Variants in ADAMTSL1 observed in about 807,000 individuals in gnomAD.
ADAMTSL1 encodes the protein ADAMTS-like protein 1.
Under a neutral mutation model 201.8 loss-of-function variants are expected in ADAMTSL1, and 126 were observed. The ratio of observed to expected loss-of-function variants is 0.62; its 90% CI spans 0.54 to 0.72. ADAMTSL1 has a LOEUF of 0.72. ADAMTSL1 is among the 30% of genes least tolerant of loss of function. ADAMTSL1 has a pLI of 0.00. For synonymous variants in ADAMTSL1, 1,121 were observed against 903.4 expected (o/e 1.24, Z -4.32); for missense variants, 2,679 against 2,277.8 (o/e 1.18, Z -3.59).
At chr9:18,785,776 T>C (rs1449429686) in intron 19 of ADAMTSL1, among the ~76,000 whole-genome samples, 2 of 152,244 alleles carry the variant, frequency 1.3e-5, no homozygotes, top group Non-Finnish European at 2.9e-5. Flanking sequence ...TGTTCAGTAT[T>C]CCTACGTCTA....
chr9:18,447,957 TG>T (rs1440170381), intron 2 of ADAMTSL1, among the ~76,000 whole-genome samples: 5 of 152,222 alleles, frequency 3.3e-5, no homozygotes. Flanking sequence ...TCCAAAGCTT[TG>T]AAAACTTTGG....
chr9:18,335,821 G>C (rs912886896), intron 2 of ADAMTSL1, among the ~76,000 whole-genome samples: 17 of 152,064 alleles, frequency 1.1e-4, no homozygotes, highest in Admixed American at 9.8e-4. Flanking sequence ...AACTTTCATA[G>C]AATAACAAGA....
At chr9:18,821,828 A>G (rs1013490671) in intron 21 of ADAMTSL1, among the ~76,000 whole-genome samples, 38 of 152,268 alleles carry the variant, frequency 2.5e-4, no homozygotes, top group African/African-American at 9.1e-4. Context: ...ACACACCGCC[A>G]TGGTGCAGGC....
At position 18,763,957 on chromosome 9, in the gene ADAMTSL1, T is replaced by C. The variant is rs114489634; in HGVS notation, c.2218-6645T>C. Among the ~76,000 whole-genome samples the C allele has an allele frequency of 5.8e-3, 885 of 152,298 alleles. 10 individuals are homozygous for C. The highest frequency in any genetic ancestry group is 0.02 in the African/African-American group (825 of 41,568). On this transcript the variant is annotated intron_variant, in intron 16 of 28. Coordinates refer to ENST00000380548, the MANE Select transcript of ADAMTSL1 (RefSeq NM_001040272.6). ...TTGTTTTGTTTTGTTTTGTTTTGCT[T>C]AGGATAGCTTTGGTTATTCTGGGTC...
intron 2 of ADAMTSL1, among the ~76,000 whole-genome samples, chr9:18,320,641 T>A (rs1281285135): frequency 6.6e-6 from 1 of 152,168 alleles, no homozygotes; most frequent in Non-Finnish European, 1.5e-5. Context: ...TGGTTTTTAA[T>A]GCAAAATTCC....
At chr9:18,171,858 A>G (rs1587219360) in intron 2 of ADAMTSL1, among the ~76,000 whole-genome samples, 1 of 152,080 alleles carries the variant, frequency 6.6e-6, no homozygotes, top group African/African-American at 2.4e-5. Context: ...ATTTTTGTGT[A>G]AGGTGTAAGG....
intron 2 of ADAMTSL1, among the ~76,000 whole-genome samples, chr9:18,314,405 G>A (rs922588512): frequency 2.0e-5 from 3 of 152,192 alleles, no homozygotes; most frequent in African/African-American, 7.2e-5. Context: ...TGGTGTATCC[G>A]GAGTTTGTTC....
intron 26 of ADAMTSL1, among the ~76,000 whole-genome samples, chr9:18,904,958 C>T (rs1830220343): frequency 6.6e-6 from 1 of 151,940 alleles, no homozygotes; most frequent in African/African-American, 2.4e-5. Flanking sequence ...GAACCTCTTG[C>T]TAGAAAAAAG....
chr9:18,824,529 G>T (rs897682514), intron 21 of ADAMTSL1, among the ~76,000 whole-genome samples: 6 of 152,074 alleles, frequency 3.9e-5, no homozygotes, highest in Non-Finnish European at 7.4e-5. Context: ...ACTCTTTGAA[G>T]ACACTCTGCA....
intron 19 of ADAMTSL1, among the ~76,000 whole-genome samples, chr9:18,792,934 T>G (rs967313095): frequency 1.4e-4 from 22 of 152,184 alleles, no homozygotes; most frequent in African/African-American, 5.3e-4. Context: ...GCAACTAATG[T>G]TTGATGGATG....
At chr9:18,292,178 C>T (rs1032287412) in intron 2 of ADAMTSL1, among the ~76,000 whole-genome samples, 74 of 152,030 alleles carry the variant, frequency 4.9e-4, no homozygotes, top group African/African-American at 1.6e-3. Flanking sequence ...TCTGGATCTG[C>T]GTGATCAGTC....
intron 1 of ADAMTSL1, among the ~76,000 whole-genome samples, chr9:17,979,296 T>G (rs929018780): frequency 6.6e-6 from 1 of 152,052 alleles, no homozygotes; most frequent in African/African-American, 2.4e-5. Flanking sequence ...TTGGATTACT[T>G]TAATGCACAT....
intron 2 of ADAMTSL1, chr9:18,362,131 A>C (rs1836551499): frequency 6.6e-6 from 1 of 152,212 alleles, no homozygotes; most frequent in South Asian, 2.1e-4. Flanking sequence ...AGAAGATGAC[A>C]GTTCTGACAC....
At chr9:18,683,348 C>T (rs1037884057) in intron 12 of ADAMTSL1, among the ~76,000 whole-genome samples, 3 of 151,808 alleles carry the variant, frequency 2.0e-5, no homozygotes, top group Non-Finnish European at 4.4e-5. Flanking sequence ...CTTCAGCCTC[C>T]GGAGTAACTG....
chr9:18,889,417 C>T (rs1451153806), intron 24 of ADAMTSL1, 151 bp from the exon 25 acceptor site: 3 of 831,786 alleles, frequency 3.6e-6, no homozygotes, highest in Non-Finnish European at 5.4e-6. Context: ...GAATGGTTCC[C>T]TGCGAGGAGC....
In ADAMTSL1 at chr9:18,889,627, G is replaced by A. The variant is rs1394280695; in HGVS notation, c.4522G>A (p.Val1508Ile). The change falls in exon 25 of 29, where the codon GTT (valine) becomes ATT (isoleucine). Residue 1508 changes from valine (V) to isoleucine (I), a missense_variant. Physicochemically the swap from Val to Ile is conservative, Grantham distance 29 (BLOSUM62 3). Transcript: ENST00000380548. ...CTCAGCCTCCTGTGGTAACCGGGGG[G>A]TTCAGCAGCCCCGCTTGAGGTGCCT... ...TCSASCGNRG[V>I]QQPRLRCLLN... The A allele has an allele frequency of 1.2e-6, 2 of 1,613,426 alleles. No homozygotes were observed. The highest frequency in any genetic ancestry group is 1.7e-6 in the Non-Finnish European group (2 of 1,179,726).
chr9:18,062,669 A>T (rs1822512310), intron 1 of ADAMTSL1, among the ~76,000 whole-genome samples: 1 of 152,208 alleles, frequency 6.6e-6, no homozygotes, highest in African/African-American at 2.4e-5. Context: ...GAGGAATTAC[A>T]CAAGATTCTA....
rs1285466229 is a variant in ADAMTSL1, at chr9:18,055,805, A to G, written c.88-108057A>G. 2.0e-5 allele frequency among the ~76,000 whole-genome samples: 3 copies of G among 152,236 alleles called. No homozygotes were observed. The East Asian group carries it at 5.8e-4, about 29-fold the overall frequency. On this transcript the variant is annotated intron_variant, in intron 1 of 29. Transcript: ENST00000680146. The stretch of plus-strand genomic sequence containing the variant: ...CTCTGGTTTTGGCTTTAAATTTCCT[A>G]TATTTTACAAGTCCAAGTTATTCGT...
chr9:18,903,594 A>G (rs935817413), intron 26 of ADAMTSL1, among the ~76,000 whole-genome samples: 5 of 152,218 alleles, frequency 3.3e-5, no homozygotes, highest in African/African-American at 9.6e-5. Context: ...TTCAAAAACT[A>G]TAATGAATGT....
Sources: allele counts gnomAD v4.1 joint callset (sites outside exome capture counted in the v4.1 genomes callset), GRCh38; gene constraint gnomAD v4.1.1; transcripts MANE v1.5; gene names NCBI Gene and HGNC (gene_info 2026-07-23, HGNC 2026-07-21).